ARCN1: variants seen among roughly 807,000 people sequenced by gnomAD.
The protein encoded by ARCN1 is archain 1 coat protein complex I subunit delta.
In ARCN1, 5 loss-of-function variants were observed where a neutral mutation model predicts 60.4. That is an observed-to-expected ratio of 0.08 (90% CI 0.04 to 0.17). The LOEUF is 0.17. ARCN1 is among the 10% of genes least tolerant of loss of function. The pLI, the probability that ARCN1 is intolerant of heterozygous loss-of-function variation, is 1.00. For synonymous variants in ARCN1, 224 were observed against 220.0 expected (o/e 1.02, Z -0.16); for missense variants, 464 against 626.5 (o/e 0.74, Z 2.77).
intron 8 of ARCN1, among the ~76,000 whole-genome samples, chr11:118,595,588 G>A (rs1258373676): frequency 6.6e-6 from 1 of 152,064 alleles, no homozygotes; most frequent in East Asian, 1.9e-4. Context: ...ACTGGAAATG[G>A]TCTCTACCTT....
Position 118,572,570 on chromosome 11 carries a change from C to G in ARCN1, c.3+20C>G. 1 of 1,606,160 alleles carries G rather than the reference C, an allele frequency of 6.2e-7. No individual in the cohort carries two copies. Among genetic ancestry groups the G allele is most frequent in the South Asian group, 1.1e-5 (1 of 89,728 alleles). On this transcript the variant is annotated intron_variant, in intron 1 of 9. Coordinates refer to ENST00000264028, the MANE Select transcript of ARCN1 (RefSeq NM_001655.5). ...ACCATGGTAAGATCCGAGCCAGGAC[C>G]CGAACTCCTGGGGTCCGAGCCTCAC...
intron 1 of ARCN1, among the ~76,000 whole-genome samples, chr11:118,580,914 CTTG>C (rs1938635347): frequency 2.6e-5 from 4 of 152,160 alleles, no homozygotes; most frequent in Non-Finnish European, 5.9e-5. Flanking sequence ...AGGAGGATCG[CTTG>C]AACCCAGGAG....
intron 6 of ARCN1, among the ~76,000 whole-genome samples, chr11:118,591,915 TA>T (rs1485534972): frequency 6.6e-6 from 1 of 151,550 alleles, no homozygotes; most frequent in African/African-American, 2.4e-5. Context: ...TTTATTTATT[TA>T]TTTATTTATT....
chr11:118,592,914 C>CT, intron 7 of ARCN1, 58 bp downstream of exon 7: 2 of 1,476,474 alleles, frequency 1.4e-6, no homozygotes, highest in Non-Finnish European at 9.1e-7. Flanking sequence ...AGAAATAGCC[C>CT]TTGCTGGTAC....
chr11:118,584,099 T>A, intron 4 of ARCN1, 85 bp downstream of exon 4: 1 of 1,343,682 alleles, frequency 7.4e-7, no homozygotes, highest in Non-Finnish European at 1.0e-6. Context: ...CTTGGAAAGC[T>A]GTAAATAAAG....
intron 6 of ARCN1, 152 bp downstream of exon 6, chr11:118,590,658 A>G (rs868924694): frequency 7.9e-6 from 6 of 756,562 alleles, no homozygotes; most frequent in Non-Finnish European, 1.3e-5. Context: ...AATATATTGC[A>G]TACAGTAGCT....
At chr11:118,578,867 C>T (rs1056750556) in intron 1 of ARCN1, among the ~76,000 whole-genome samples, 3 of 118,100 alleles carry the variant, frequency 2.5e-5, no homozygotes, top group African/African-American at 6.1e-5. Context: ...GGCAAAACCC[C>T]GTCTCTCTTT....
chr11:118,573,293 G>A (rs890108248), intron 1 of ARCN1, among the ~76,000 whole-genome samples: 1 of 152,208 alleles, frequency 6.6e-6, no homozygotes, highest in Admixed American at 6.5e-5. Context: ...AAATGTGTAT[G>A]TGGCATGTCG....
At chr11:118,585,597 T>G (rs1488327602) in intron 5 of ARCN1, among the ~76,000 whole-genome samples, 1 of 152,150 alleles carries the variant, frequency 6.6e-6, no homozygotes, top group African/African-American at 2.4e-5. Flanking sequence ...TGGAGTACAG[T>G]GGTGCAATCT....
In ARCN1 at chr11:118,584,529, G is replaced by A; in HGVS notation, c.703G>A (p.Val235Ile). The change falls in exon 5 of 10, where the codon GTA becomes ATA. Residue 235 changes from valine to isoleucine, a missense_variant. Val to Ile is a conservative substitution (Grantham distance 29, BLOSUM62 3). Around this residue, in one of 2 missense-constraint regions of ARCN1, gnomAD observed 359 missense variants for 440.2 expected, o/e 0.82. Transcript: ENST00000264028. ...ALKLGAKGKE[V>I]DNFVDKLKSE... ...AAAACTTGGAGCCAAAGGAAAGGAA[G>A]TAGATAACTTTGTGGACAAATTAAA... 6.2e-7 allele frequency: 1 copy of A among 1,613,922 alleles called. No individual in the cohort carries two copies. Among genetic ancestry groups the A allele is most frequent in the Non-Finnish European group, 8.5e-7 (1 of 1,179,970 alleles).
In ARCN1 at chr11:118,600,770, A is replaced by G. The variant is rs188929498; in HGVS notation, c.*56A>G. 180 of 1,232,050 alleles carry G rather than the reference A, an allele frequency of 1.5e-4. 1 individual carries two copies. The Admixed American group carries it at 2.7e-3, about 18-fold the overall frequency. The allele number at this position is 1,232,050 out of a possible 1,614,324, so 76.3% of individuals were successfully genotyped here. ...TTTCAGATTAATAAAGAAGACGCCAATGATGGCTGAAGAGTTTTTCCCAGA... is the reference window on the plus strand; with the variant it reads ...TTTCAGATTAATAAAGAAGACGCCAGTGATGGCTGAAGAGTTTTTCCCAGA... On this transcript the variant is annotated 3_prime_UTR_variant, in exon 10 of 10. Coordinates refer to ENST00000264028, the MANE Select transcript of ARCN1 (RefSeq NM_001655.5).
chr11:118,598,115 G>T (rs1555077493), intron 9 of ARCN1, among the ~76,000 whole-genome samples: 1 of 152,034 alleles, frequency 6.6e-6, no homozygotes, highest in African/African-American at 2.4e-5. Context: ...TTCCTCTCTA[G>T]ATCAGACAAA....
intron 1 of ARCN1, among the ~76,000 whole-genome samples, chr11:118,580,401 T>C (rs1468153536): frequency 6.6e-6 from 1 of 152,192 alleles, no homozygotes; most frequent in Non-Finnish European, 1.5e-5. Flanking sequence ...TAGTACTACA[T>C]GCAAAACTAG....
rs1555076540 is a variant in ARCN1, at chr11:118,592,825, A to G, written c.1101A>G (p.Gln367=). Residue 367 remains glutamine (Q), a synonymous_variant, in exon 7 of 10, where the codon CAA becomes CAG. Transcript: ENST00000264028. The stretch of plus-strand genomic sequence containing the variant: ...TAGGGGTGCTAAAGTGGAGACTACA[A>G]ACCACAGAGGAATCTTTTATTCCAC... ...SDVGVLKWRL[Q]TTEESFIPLT... 1.2e-6 allele frequency: 2 copies of G among 1,614,158 alleles called. No individual in the cohort carries two copies. Among genetic ancestry groups the G allele is most frequent in the Non-Finnish European group, 1.7e-6 (2 of 1,179,986 alleles).
At chr11:118,575,674 A>G (rs1938479506) in intron 1 of ARCN1, among the ~76,000 whole-genome samples, 2 of 152,218 alleles carry the variant, frequency 1.3e-5, no homozygotes, top group Non-Finnish European at 2.9e-5. Flanking sequence ...GTATATGTGT[A>G]TAAAATATTG....
At chr11:118,577,804 T>C (rs1311957992) in intron 1 of ARCN1, among the ~76,000 whole-genome samples, 2 of 152,204 alleles carry the variant, frequency 1.3e-5, no homozygotes, top group South Asian at 2.1e-4. Flanking sequence ...TTAATTCTTA[T>C]AATATCGCAA....
At chr11:118,587,022 T>C (rs1938794602) in intron 5 of ARCN1, among the ~76,000 whole-genome samples, 1 of 152,208 alleles carries the variant, frequency 6.6e-6, no homozygotes, top group Non-Finnish European at 1.5e-5. Flanking sequence ...GTCTTGACTC[T>C]GATGCCTTTG....
At position 118,598,792 on chromosome 11, in the gene ARCN1, A is replaced by G. The variant is rs75076248; in HGVS notation, c.1446+881A>G. Among the ~76,000 whole-genome samples, 417 of 148,158 alleles carry G rather than the reference A, an allele frequency of 2.8e-3. 1 individual carries two copies. The highest frequency in any genetic ancestry group is 0.01 in the African/African-American group (403 of 39,758). On this transcript the variant is annotated intron_variant, in intron 9 of 9. Transcript: ENST00000264028. ...TTACAAGTGTGAGCCACAGTGCCCAATGGATTTTTTTCCTTTTTTTCTGAG... is the reference window on the plus strand; with the variant it reads ...TTACAAGTGTGAGCCACAGTGCCCAGTGGATTTTTTTCCTTTTTTTCTGAG...
chr11:118,583,797 C>G lies in ARCN1; in HGVS notation c.448-12C>G. On this transcript the variant is annotated splice_polypyrimidine_tract_variant and intron_variant, in intron 3 of 9. Coordinates refer to ENST00000264028, the MANE Select transcript of ARCN1 (RefSeq NM_001655.5). ...AAAAAAAAGCTACATTAATGTATGTCTTTTTCTGTAGACTCAAGAACGTGA... is the reference window on the plus strand; with the variant it reads ...AAAAAAAAGCTACATTAATGTATGTGTTTTTCTGTAGACTCAAGAACGTGA... 6.2e-7 allele frequency: 1 copy of G among 1,611,654 alleles called. No individual in the cohort carries two copies. The highest frequency in any genetic ancestry group is 8.5e-7 in the Non-Finnish European group (1 of 1,179,246).
Sources: gnomAD v4.1 joint callset for allele counts (sites outside exome capture counted in the v4.1 genomes callset) on GRCh38, gnomAD v4.1.1 for gene constraint, gnomAD v4.1.1 regional missense constraint, MANE v1.5 for transcripts, NCBI Gene and HGNC (gene_info 2026-07-23, HGNC 2026-07-21) for gene names.